Variants in KAZN observed in about 807,000 individuals in gnomAD.
The protein encoded by KAZN is kazrin, periplakin interacting protein.
A neutral mutation model predicts 87.4 loss-of-function variants in KAZN; 40 were observed. The observed-to-expected ratio is 0.46, with a 90% confidence interval of 0.36 to 0.60. The LOEUF (loss-of-function observed/expected upper bound fraction) is 0.60. Ranked by LOEUF, KAZN falls within the 20% of genes least tolerant of loss-of-function variation. The pLI is 0.00. For synonymous variants in KAZN, 466 were observed against 458.3 expected (o/e 1.02, Z -0.22); for missense variants, 898 against 1,073.9 (o/e 0.84, Z 2.29).
chr1:14,845,654 T>C (rs992956552), intron 1 of KAZN, among the ~76,000 whole-genome samples: 10 of 152,300 alleles, frequency 6.6e-5, no homozygotes, highest in African/African-American at 2.4e-4. Context: ...GATTGTAGTT[T>C]CCCAGATTGC....
intron 1 of KAZN, among the ~76,000 whole-genome samples, chr1:14,619,986 A>G: frequency 6.6e-6 from 1 of 152,182 alleles, no homozygotes; most frequent in Non-Finnish European, 1.5e-5. Context: ...GAATAGTGGC[A>G]TTGAATCACT....
intron 1 of KAZN, among the ~76,000 whole-genome samples, chr1:14,775,160 A>G (rs1375578910): frequency 2.6e-5 from 4 of 152,226 alleles, no homozygotes; most frequent in Non-Finnish European, 4.4e-5. Context: ...ATTGGCAACC[A>G]GGTATGATCC....
At chr1:14,388,533 C>G in intron 2 of KAZN, among the ~76,000 whole-genome samples, 1 of 151,928 alleles carries the variant, frequency 6.6e-6, no homozygotes, top group East Asian at 1.9e-4. Context: ...ACAGAGAACC[C>G]AGAGATAAAT....
intron 2 of KAZN, among the ~76,000 whole-genome samples, chr1:14,289,598 G>A (rs532622918): frequency 3.3e-5 from 5 of 151,958 alleles, no homozygotes; most frequent in South Asian, 2.1e-4. Context: ...TGGGTCTCCC[G>A]AATATAGCAC....
In KAZN at chr1:15,066,318, T is replaced by C; in HGVS notation, c.1222+565T>C. The C allele has an allele frequency of 6.1e-6, 6 of 985,970 alleles. No individual in the cohort carries two copies. Among genetic ancestry groups the C allele is most frequent in the Non-Finnish European group, 7.2e-6 (6 of 830,342 alleles). The allele number at this position is 985,970 out of a possible 1,614,324, so 61.1% of individuals were successfully genotyped here. On this transcript the variant is annotated intron_variant, in intron 8 of 14. Coordinates refer to ENST00000376030, the MANE Select transcript of KAZN (RefSeq NM_201628.3). This position sits in a 1 kb window ranked among gnomAD's most constrained non-coding sequence, Gnocchi z 4.3. ...AGCCCGTCTGGCAGAGGATGTGGTC[T>C]GTTTTTGATGTCCCCCCTCCCGCCC... is the stretch of plus-strand genomic sequence containing the variant.
At chr1:14,153,851 C>T (rs1645532059) in intron 1 of KAZN, among the ~76,000 whole-genome samples, 1 of 150,768 alleles carries the variant, frequency 6.6e-6, no homozygotes, top group African/African-American at 2.4e-5. Flanking sequence ...CTATTCTGTT[C>T]CACTGGTCTA....
intron 1 of KAZN, among the ~76,000 whole-genome samples, chr1:14,869,538 G>A (rs572406055): frequency 8.5e-5 from 13 of 152,346 alleles, no homozygotes; most frequent in Middle Eastern, 3.4e-3. Flanking sequence ...CAGTGAAGCA[G>A]AACAGGACAG....
chr1:14,353,465 C>T (rs1658729044), intron 2 of KAZN, among the ~76,000 whole-genome samples: 1 of 152,016 alleles, frequency 6.6e-6, no homozygotes, highest in African/African-American at 2.4e-5. Context: ...GTGATCCACC[C>T]TCCTCGGCCT....
chr1:14,431,045 A>G (rs993648960), intron 2 of KAZN, among the ~76,000 whole-genome samples: 7 of 152,218 alleles, frequency 4.6e-5, no homozygotes, highest in Non-Finnish European at 1.0e-4. Flanking sequence ...GTTTGTAATT[A>G]TAAGTGTGCA....
At chr1:14,641,538 ATC>A (rs1260671514) in intron 1 of KAZN, among the ~76,000 whole-genome samples, 1 of 152,152 alleles carries the variant, frequency 6.6e-6, no homozygotes, top group African/African-American at 2.4e-5. Context: ...TGTGGCCTGC[ATC>A]TCTGTGCCTC....
intron 2 of KAZN, among the ~76,000 whole-genome samples, chr1:14,573,449 C>T (rs956297148): frequency 6.6e-6 from 1 of 152,122 alleles, no homozygotes; most frequent in Non-Finnish European, 1.5e-5. Context: ...GAGTTCGAAC[C>T]AGCCTGGCCA....
At chr1:14,276,281 A>G (rs1652349412) in intron 2 of KAZN, among the ~76,000 whole-genome samples, 1 of 151,906 alleles carries the variant, frequency 6.6e-6, no homozygotes, top group East Asian at 1.9e-4. Flanking sequence ...CATCATCATC[A>G]TCATCGTCAT....
intron 2 of KAZN, among the ~76,000 whole-genome samples, chr1:14,409,993 T>C (rs1259150111): frequency 1.3e-5 from 2 of 152,038 alleles, no homozygotes; most frequent in Non-Finnish European, 1.5e-5. Context: ...GAAAAAACAA[T>C]CAGCTGGAAG....
intron 1 of KAZN, among the ~76,000 whole-genome samples, chr1:14,679,054 C>T (rs1442537570): frequency 6.6e-6 from 1 of 152,324 alleles, no homozygotes; most frequent in East Asian, 1.9e-4. Context: ...CTACTATGTG[C>T]CAGACACTCG....
intron 2 of KAZN, among the ~76,000 whole-genome samples, chr1:14,519,147 TA>T (rs892035405): frequency 4.5e-4 from 68 of 151,808 alleles, no homozygotes; most frequent in African/African-American, 1.6e-3. Context: ...TGGAAATTTT[TA>T]AAAAAAAATT....
chr1:14,548,524 C>T (rs1430966212), intron 2 of KAZN, among the ~76,000 whole-genome samples: 1 of 152,138 alleles, frequency 6.6e-6, no homozygotes, highest in Non-Finnish European at 1.5e-5. Context: ...ATCATTTCGC[C>T]ATATATGTTT....
chr1:14,532,685 G>C (rs1347685595), intron 2 of KAZN, among the ~76,000 whole-genome samples: 1 of 133,534 alleles, frequency 7.5e-6, no homozygotes, highest in Non-Finnish European at 1.5e-5. Flanking sequence ...TGTTCTCATT[G>C]TTCAATTCCT....
chr1:14,910,429 G>A (rs752393464), intron 1 of KAZN, among the ~76,000 whole-genome samples: 1 of 152,152 alleles, frequency 6.6e-6, no homozygotes, highest in Non-Finnish European at 1.5e-5. Context: ...CAACACTGCT[G>A]ACTCTTGACA....
rs150726294 is a variant in KAZN, at chr1:14,739,774, A to G, written c.226+140551A>G. ...ATTCAAAAAAAGTGGAAAGCTTCGA[A>G]TTTCCTCACTTAGAATAAAAAAATG... On this transcript the variant is annotated intron_variant, in intron 1 of 14. Coordinates refer to ENST00000376030, the MANE Select transcript of KAZN (RefSeq NM_201628.3). 3.3e-3 allele frequency among the ~76,000 whole-genome samples: 498 copies of G among 152,164 alleles called. 6 individuals carry two copies. Among genetic ancestry groups the G allele is most frequent in the African/African-American group, 0.011 (467 of 41,502 alleles).
Sources: allele counts gnomAD v4.1 joint callset (sites outside exome capture counted in the v4.1 genomes callset), GRCh38; gene constraint gnomAD v4.1.1; non-coding constraint Gnocchi (gnomAD v3.1); transcripts MANE v1.5; gene names NCBI Gene and HGNC (gene_info 2026-07-23, HGNC 2026-07-21).